The following RAVER2 variants were observed in gnomAD, a reference collection of about 807,000 sequenced individuals.
The protein encoded by RAVER2 is ribonucleoprotein, PTB binding 2, also known as ribonucleoprotein PTB-binding 2.
In RAVER2, 46 loss-of-function variants were observed where a neutral mutation model predicts 78.1. That is an observed-to-expected ratio of 0.59 (90% confidence interval 0.46 to 0.75). RAVER2 has a LOEUF of 0.75. Ranked by LOEUF, RAVER2 falls within the 30% of genes least tolerant of loss-of-function variation. RAVER2 has a pLI of 0.00. For missense variants in RAVER2, 793 were observed against 837.5 expected (o/e 0.95, Z 0.66); for synonymous variants, 311 against 313.3 (o/e 0.99, Z 0.08).
chr1:64,757,703 C>T (rs1651892515), intron 1 of RAVER2, among the ~76,000 whole-genome samples: 1 of 152,200 alleles, frequency 6.6e-6, no homozygotes, highest in South Asian at 2.1e-4. Flanking sequence ...ACTAGCTATA[C>T]TCATTGCCAT....
At chr1:64,755,737 T>TG (rs1313178159) in intron 1 of RAVER2, among the ~76,000 whole-genome samples, 55 of 143,020 alleles carry the variant, frequency 3.8e-4, no homozygotes, top group African/African-American at 1.4e-3. Context: ...TTTTTTTTTT[T>TG]TTTTTTTTTT....
Position 64,814,769 on chromosome 1 carries a change from C to T in RAVER2, c.1858C>T (p.Gln620Ter), listed in dbSNP as rs565466942. ...AAGCAGCATTCTGGATGCAATCTCTCAGGGAAGTGAATCACAACACGCATT... is the reference window on the plus strand; with the variant it reads ...AAGCAGCATTCTGGATGCAATCTCTTAGGGAAGTGAATCACAACACGCATT... The change falls in exon 11 of 12, where the codon CAG becomes TAG. Residue 620 changes from glutamine (Q) to a stop codon, truncating the protein, a stop_gained. Transcript: ENST00000294428. LOFTEE classifies it high-confidence loss of function. 3 of 1,591,572 alleles carry T rather than the reference C, an allele frequency of 1.9e-6. No homozygotes were observed. The South Asian group carries it at 3.5e-5, about 18-fold the overall frequency.
At chr1:64,799,407 T>C (rs535698856) in intron 5 of RAVER2, among the ~76,000 whole-genome samples, 1 of 152,278 alleles carries the variant, frequency 6.6e-6, no homozygotes, top group Non-Finnish European at 1.5e-5. Flanking sequence ...CTTCAAGATA[T>C]GGATTTCCTT....
Position 64,805,003 on chromosome 1 carries a change from CT to C in RAVER2, c.1311del (p.Gly438GlufsTer12). On this transcript the variant is annotated frameshift_variant, in exon 8 of 12. Coordinates refer to ENST00000294428, the Ensembl canonical transcript of RAVER2. LOFTEE classifies it high-confidence loss of function. ...TCTTCTTTTGTAGAAACCCGGCTTACTTGGAGAGCCCCCAGCTGTGGTACTT... is the reference window on the plus strand; with the variant it reads ...TCTTCTTTTGTAGAAACCCGGCTTACTGGAGAGCCCCCAGCTGTGGTACTT... 6.2e-7 allele frequency: 1 copy of C among 1,613,748 alleles called. No individual in the cohort carries two copies. Among genetic ancestry groups the C allele is most frequent in the Non-Finnish European group, 8.5e-7 (1 of 1,179,928 alleles).
At chr1:64,762,496 A>G (rs146541581) in intron 1 of RAVER2, among the ~76,000 whole-genome samples, 33 of 152,242 alleles carry the variant, frequency 2.2e-4, no homozygotes, top group Admixed American at 3.3e-4. Flanking sequence ...GACTTACACT[A>G]CCAGATTTCA....
At chr1:64,769,360 A>G (rs1002033002) in intron 2 of RAVER2, among the ~76,000 whole-genome samples, 2 of 152,040 alleles carry the variant, frequency 1.3e-5, no homozygotes, top group African/African-American at 4.8e-5. Context: ...GATGAAATTC[A>G]CTTTCTACTA....
chr1:64,789,460 G>A, exon 5 of RAVER2: 1 of 1,609,894 alleles, frequency 6.2e-7, no homozygotes, highest in Non-Finnish European at 8.5e-7. Flanking sequence ...AAACAACCCT[G>A]CCATGTTGCA....
chr1:64,760,755 T>C (rs148985756), intron 1 of RAVER2, among the ~76,000 whole-genome samples: 21 of 152,316 alleles, frequency 1.4e-4, no homozygotes, highest in African/African-American at 5.1e-4. Flanking sequence ...CTCCAAGGAA[T>C]TTGCATGGTA....
At chr1:64,790,774 A>G (rs1455953724) in intron 5 of RAVER2, among the ~76,000 whole-genome samples, 3 of 152,194 alleles carry the variant, frequency 2.0e-5, no homozygotes, top group African/African-American at 7.2e-5. Flanking sequence ...TTTACAGCAA[A>G]TATGTATAGA....
At chr1:64,826,062 C>A (rs899520781) in intron 11 of RAVER2, among the ~76,000 whole-genome samples, 6 of 152,314 alleles carry the variant, frequency 3.9e-5, no homozygotes, top group African/African-American at 1.4e-4. Context: ...TGTCAGAGAC[C>A]ATGGCCCATG....
At chr1:64,821,502 C>T (rs75441759) in intron 11 of RAVER2, among the ~76,000 whole-genome samples, 3,216 of 152,048 alleles carry the variant, frequency 0.021, 128 homozygotes, top group African/African-American at 0.074. Flanking sequence ...GCACTAAAAC[C>T]GCCAGTAAAA....
intron 11 of RAVER2, among the ~76,000 whole-genome samples, chr1:64,820,982 A>G (rs554022215): frequency 1.3e-5 from 2 of 152,316 alleles, no homozygotes; most frequent in South Asian, 4.1e-4. Context: ...GTATTGCTAC[A>G]CTACTTGCCG....
At chr1:64,823,718 C>G (rs899285531) in intron 11 of RAVER2, among the ~76,000 whole-genome samples, 4 of 152,054 alleles carry the variant, frequency 2.6e-5, no homozygotes, top group Non-Finnish European at 2.9e-5. Context: ...ATCTTAAGCA[C>G]CTTTCCAGTT....
intron 3 of RAVER2, among the ~76,000 whole-genome samples, chr1:64,778,822 T>G (rs1219187826): frequency 6.7e-6 from 1 of 149,514 alleles, no homozygotes; most frequent in African/African-American, 2.4e-5. Context: ...CCGCACTCCC[T>G]TCCCATCCAC....
At chr1:64,781,268 C>T (rs925443569) in intron 3 of RAVER2, 112 bp from the exon 4 acceptor site, 1 of 939,970 alleles carries the variant, frequency 1.1e-6, no homozygotes, top group East Asian at 2.7e-5. Context: ...ATGTTATTTC[C>T]ACCAGTATCA....
At chr1:64,817,810 G>GT (rs1238556568) in intron 11 of RAVER2, among the ~76,000 whole-genome samples, 21 of 151,844 alleles carry the variant, frequency 1.4e-4, no homozygotes, top group African/African-American at 4.4e-4. Flanking sequence ...TAAATGACGA[G>GT]CTAATGGGTG....
chr1:64,824,164 C>T (rs185201070), intron 11 of RAVER2, among the ~76,000 whole-genome samples: 3 of 152,308 alleles, frequency 2.0e-5, no homozygotes, highest in African/African-American at 7.2e-5. Flanking sequence ...GCATGCAGCA[C>T]AGCAGTGTTA....
chr1:64,745,569 C>A lies in RAVER2; in HGVS notation c.249+148C>A. The A allele has an allele frequency of 1.8e-6, 2 of 1,117,238 alleles. No individual in the cohort carries two copies. Among genetic ancestry groups the A allele is most frequent in the South Asian group, 1.9e-5 (1 of 52,046 alleles). The allele number at this position is 1,117,238 out of a possible 1,614,324, so 69.2% of individuals were successfully genotyped here. On this transcript the variant is annotated intron_variant, in intron 1 of 11. Transcript: ENST00000294428. This position sits in a 1 kb window ranked among gnomAD's most constrained non-coding sequence, Gnocchi z 4.3. ...AGCGGCCCCTCGGTTTGACTGAGTTCTTGGGGTTTCTAGCCTGCAGACGCC... is the reference window on the plus strand; with the variant it reads ...AGCGGCCCCTCGGTTTGACTGAGTTATTGGGGTTTCTAGCCTGCAGACGCC...
chr1:64,752,943 A>T (rs1171217676), intron 1 of RAVER2, among the ~76,000 whole-genome samples: 2 of 152,188 alleles, frequency 1.3e-5, no homozygotes, highest in African/African-American at 4.8e-5. Context: ...GGGGAAATGT[A>T]GAGAAGCTGA....
Sources: gnomAD v4.1 joint callset for allele counts (sites outside exome capture counted in the v4.1 genomes callset) on GRCh38, gnomAD v4.1.1 for gene constraint, Gnocchi (gnomAD v3.1) non-coding constraint, MANE v1.5 for transcripts, NCBI Gene and HGNC (gene_info 2026-07-23, HGNC 2026-07-21) for gene names.